The following EYA1 variants were observed in gnomAD, a reference collection of about 807,000 sequenced individuals.
EYA1 encodes EYA transcriptional coactivator and phosphatase 1.
Under a neutral mutation model 82.0 loss-of-function variants are expected in EYA1, and 16 were observed. That is an observed-to-expected ratio of 0.20 (90% CI 0.13 to 0.30). The LOEUF (loss-of-function observed/expected upper bound fraction) is 0.30, where lower values mean the gene tolerates loss of function less well. Ranked by LOEUF, EYA1 falls within the 10% of genes least tolerant of loss-of-function variation. The probability of loss-of-function intolerance (pLI) is 1.00; values close to 1 mark genes in which losing one functional copy is unlikely to be tolerated. For missense variants in EYA1, 633 were observed against 730.7 expected (o/e 0.87, Z 1.54); for synonymous variants, 261 against 264.4 (o/e 0.99, Z 0.12).
rs112198388 is a variant in EYA1 at position 71,245,393 on chromosome 8, AT to A, written c.1051-702del. ...AGGCGCGCACCAACACGACCAGCTA[AT>A]TTTTTTTTGTATTTTTAGTAGAGAC... On this transcript the variant is annotated intron_variant, in intron 11 of 17. Coordinates refer to ENST00000340726, the MANE Select transcript of EYA1 (RefSeq NM_000503.6). Among the ~76,000 whole-genome samples, 23 of 151,080 alleles carry A rather than the reference AT, an allele frequency of 1.5e-4. 1 individual carries two copies. The highest frequency in any genetic ancestry group is 2.4e-4 in the Non-Finnish European group (16 of 67,660).
At chr8:71,432,129 T>C (rs1304046778) in intron 2 of EYA1, among the ~76,000 whole-genome samples, 1 of 152,222 alleles carries the variant, frequency 6.6e-6, no homozygotes, top group South Asian at 2.1e-4. Context: ...ACTATACATA[T>C]TTTGCTGTCC....
At chr8:71,514,372 T>C (rs1812811981) in intron 2 of EYA1, among the ~76,000 whole-genome samples, 2 of 152,162 alleles carry the variant, frequency 1.3e-5, no homozygotes, top group African/African-American at 2.4e-5. Context: ...ATTAATGATA[T>C]GATCTAACTT....
intron 2 of EYA1, among the ~76,000 whole-genome samples, chr8:71,374,997 G>A (rs1342643834): frequency 6.6e-6 from 1 of 152,098 alleles, no homozygotes; most frequent in Non-Finnish European, 1.5e-5. Flanking sequence ...GGGAGGGGAG[G>A]AAACAGGGAG....
intron 3 of EYA1, among the ~76,000 whole-genome samples, chr8:71,338,438 T>C (rs887572404): frequency 9.2e-5 from 14 of 152,136 alleles, no homozygotes; most frequent in African/African-American, 3.1e-4. Flanking sequence ...GGCTGGCCCA[T>C]AAAAATGAGA....
At chr8:71,396,819 C>A (rs191148023) in intron 2 of EYA1, among the ~76,000 whole-genome samples, 96 of 152,256 alleles carry the variant, frequency 6.3e-4, no homozygotes, top group Non-Finnish European at 1.2e-3. Flanking sequence ...TGGTGCAGAG[C>A]TGAGTTCAAT....
At chr8:71,377,127 A>G (rs1828419811) in intron 2 of EYA1, among the ~76,000 whole-genome samples, 3 of 152,218 alleles carry the variant, frequency 2.0e-5, no homozygotes, top group African/African-American at 7.2e-5. Context: ...CAAATAAGAC[A>G]TTAACAAGGA....
intron 1 of EYA1, among the ~76,000 whole-genome samples, chr8:71,358,635 T>G (rs1254931891): frequency 6.6e-6 from 1 of 152,184 alleles, no homozygotes; most frequent in Non-Finnish European, 1.5e-5. Flanking sequence ...TTAGTTACAG[T>G]TTACAAAATG....
At chr8:71,408,910 C>G (rs1830432647) in intron 2 of EYA1, among the ~76,000 whole-genome samples, 1 of 110,010 alleles carries the variant, frequency 9.1e-6, no homozygotes, top group South Asian at 3.2e-4. Flanking sequence ...CCCAAATCAA[C>G]AGAATATACA....
In EYA1 at chr8:71,356,496, C is replaced by A; in HGVS notation, c.-39G>T. The stretch of plus-strand genomic sequence containing the variant: ...GAGGAAACAGCAACATCTGAACTGG[C>A]TTGAGATGTTTGCACCTGTGATCAG... On this transcript the variant is annotated 5_prime_UTR_variant, in exon 2 of 18. Coordinates refer to ENST00000340726, the MANE Select transcript of EYA1 (RefSeq NM_000503.6). 1.9e-6 allele frequency: 3 copies of A among 1,580,894 alleles called. No homozygotes were observed. The highest frequency in any genetic ancestry group is 2.6e-6 in the Non-Finnish European group (3 of 1,162,354).
intron 9 of EYA1, among the ~76,000 whole-genome samples, chr8:71,288,168 T>A (rs1182260951): frequency 6.6e-6 from 1 of 152,166 alleles, no homozygotes; most frequent in Non-Finnish European, 1.5e-5. Context: ...CCCAGCCAGG[T>A]ATGACTGGGA....
At chr8:71,382,736 T>C (rs1006234085) in intron 2 of EYA1, among the ~76,000 whole-genome samples, 9 of 152,072 alleles carry the variant, frequency 5.9e-5, no homozygotes, top group African/African-American at 2.2e-4. Flanking sequence ...AATTCAATGA[T>C]TTGGCAGTCT....
chr8:71,451,264 T>A (rs868698338), intron 2 of EYA1, among the ~76,000 whole-genome samples: 8 of 152,178 alleles, frequency 5.3e-5, no homozygotes, highest in African/African-American at 1.9e-4. Flanking sequence ...ATCACAGCAA[T>A]AAGTATAGAA....
At chr8:71,462,683 C>T (rs192064249) in intron 2 of EYA1, among the ~76,000 whole-genome samples, 6 of 152,316 alleles carry the variant, frequency 3.9e-5, no homozygotes, top group Admixed American at 3.3e-4. Flanking sequence ...CTCCCTGTGC[C>T]CTCCAGGCAG....
At chr8:71,420,646 C>G (rs1279171454) in intron 2 of EYA1, among the ~76,000 whole-genome samples, 3 of 152,056 alleles carry the variant, frequency 2.0e-5, no homozygotes, top group African/African-American at 4.8e-5. Flanking sequence ...AAATTGATAG[C>G]TGAGTCATGA....
intron 12 of EYA1, among the ~76,000 whole-genome samples, chr8:71,226,060 T>C (rs1810518191): frequency 6.6e-6 from 1 of 152,158 alleles, no homozygotes; most frequent in Non-Finnish European, 1.5e-5. Flanking sequence ...TTCCTGAAGA[T>C]GGTATGTTAA....
At chr8:71,503,808 ACCCAGCAT>A (rs1397966808) in intron 2 of EYA1, among the ~76,000 whole-genome samples, 1 of 152,198 alleles carries the variant, frequency 6.6e-6, no homozygotes, top group African/African-American at 2.4e-5. Flanking sequence ...TTAGTAATGC[ACCCAGCAT>A]CCCCACAGAC....
chr8:71,331,876 C>T (rs1823917805), intron 4 of EYA1, among the ~76,000 whole-genome samples: 1 of 152,148 alleles, frequency 6.6e-6, no homozygotes, highest in Admixed American at 6.5e-5. Context: ...GAGACAGAGT[C>T]TCACTCTGCT....
At chr8:71,455,972 T>C (rs1807863876) in intron 2 of EYA1, among the ~76,000 whole-genome samples, 1 of 152,234 alleles carries the variant, frequency 6.6e-6, no homozygotes, top group African/African-American at 2.4e-5. Context: ...AAATTGTCCC[T>C]GTTTGCAGAT....
intron 2 of EYA1, among the ~76,000 whole-genome samples, chr8:71,450,305 G>A (rs1021451671): frequency 7.2e-5 from 11 of 152,188 alleles, no homozygotes; most frequent in South Asian, 2.1e-4. Flanking sequence ...AGTGAAAGGC[G>A]TGTGGCTCTC....
Sources: gnomAD v4.1 joint callset for allele counts (sites outside exome capture counted in the v4.1 genomes callset) on GRCh38, gnomAD v4.1.1 for gene constraint, MANE v1.5 for transcripts, NCBI Gene and HGNC (gene_info 2026-07-23, HGNC 2026-07-21) for gene names.